The following RNF216 variants were observed in gnomAD, a reference collection of about 807,000 sequenced individuals.
RNF216 encodes the protein E3 ubiquitin-protein ligase RNF216.
A neutral mutation model predicts 110.8 loss-of-function variants in RNF216; 72 were observed. The ratio of observed to expected loss-of-function variants is 0.65; its 90% CI spans 0.54 to 0.79. The LOEUF is 0.79. Among genes scored for constraint, RNF216 ranks in the 30% least tolerant of loss-of-function variants. The pLI is 0.00. For synonymous variants in RNF216, 495 were observed against 407.5 expected (o/e 1.21, Z -2.59); for missense variants, 1,342 against 1,141.2 (o/e 1.18, Z -2.54).
intron 15 of RNF216, among the ~76,000 whole-genome samples, chr7:5,626,517 G>T (rs1470141631): frequency 6.6e-6 from 1 of 151,922 alleles, no homozygotes; most frequent in Non-Finnish European, 1.5e-5. Flanking sequence ...AGGAGTTTGA[G>T]ACCAGCCTGG....
chr7:5,707,644 T>C (rs1024888451), intron 13 of RNF216, among the ~76,000 whole-genome samples: 20 of 151,606 alleles, frequency 1.3e-4, no homozygotes, highest in Admixed American at 1.3e-4. Flanking sequence ...TTATATAGCA[T>C]GGAAGTGGTG....
At chr7:5,705,767 C>T (rs1003504483) in intron 13 of RNF216, among the ~76,000 whole-genome samples, 9 of 151,972 alleles carry the variant, frequency 5.9e-5, no homozygotes, top group African/African-American at 1.7e-4. Context: ...ATTAGCCGGG[C>T]GTGGTGGCAC....
intron 13 of RNF216, chr7:5,666,832 T>TTTTTA (rs33989516): frequency 6.6e-6 from 1 of 151,714 alleles, no homozygotes; most frequent in African/African-American, 2.4e-5. Flanking sequence ...TTTTTTTTTT[T>TTTTTA]GAGACAGGGT....
At chr7:5,758,729 C>T (rs1224698829) in intron 2 of RNF216, among the ~76,000 whole-genome samples, 2 of 152,106 alleles carry the variant, frequency 1.3e-5, no homozygotes, top group African/African-American at 4.8e-5. Context: ...AATGCATGTA[C>T]CCCCATAGTA....
intron 2 of RNF216, among the ~76,000 whole-genome samples, chr7:5,757,352 T>C (rs1484389109): frequency 6.6e-6 from 1 of 152,218 alleles, no homozygotes; most frequent in Non-Finnish European, 1.5e-5. Context: ...ACTCTATCAA[T>C]GCTTCTGGCT....
chr7:5,623,536 C>A (rs1436765763), intron 16 of RNF216, among the ~76,000 whole-genome samples: 1 of 151,610 alleles, frequency 6.6e-6, no homozygotes, highest in Non-Finnish European at 1.5e-5. Context: ...CTGGGCTCAA[C>A]TGATCCACCT....
At chr7:5,710,595 T>C (rs1584491096) in intron 13 of RNF216, among the ~76,000 whole-genome samples, 1 of 152,170 alleles carries the variant, frequency 6.6e-6, no homozygotes, top group South Asian at 2.1e-4. Flanking sequence ...TTCCTTATAT[T>C]TTATCTCTCC....
chr7:5,780,476 C>A (rs1797019636), intron 1 of RNF216, among the ~76,000 whole-genome samples: 1 of 152,138 alleles, frequency 6.6e-6, no homozygotes, highest in Admixed American at 6.5e-5. Flanking sequence ...GCGGAGGGAT[C>A]ACCTGAGGTC....
chr7:5,631,549 C>A (rs116352976), intron 15 of RNF216, among the ~76,000 whole-genome samples: 6 of 152,288 alleles, frequency 3.9e-5, no homozygotes, highest in South Asian at 2.1e-4. Flanking sequence ...GATTTCCTTG[C>A]CTGACATGTT....
chr7:5,712,042 T>G, intron 12 of RNF216: 1 of 568,392 alleles, frequency 1.8e-6, no homozygotes. Context: ...CCACATGAGG[T>G]CCTGACTGAA....
At chr7:5,655,320 T>C (rs1562794359) in intron 13 of RNF216, among the ~76,000 whole-genome samples, 1 of 152,096 alleles carries the variant, frequency 6.6e-6, no homozygotes, top group African/African-American at 2.4e-5. Context: ...CCGGAGAACA[T>C]ATCTGAAACG....
chr7:5,699,722 T>C (rs1432066020), intron 13 of RNF216, among the ~76,000 whole-genome samples: 1 of 152,338 alleles, frequency 6.6e-6, no homozygotes, highest in Middle Eastern at 3.4e-3. Flanking sequence ...ACACTGGACA[T>C]GAAGGGCAGC....
At chr7:5,712,967 G>T (rs1190929688) in intron 11 of RNF216, 104 bp from the exon 12 acceptor site, 4 of 1,024,180 alleles carry the variant, frequency 3.9e-6, no homozygotes, top group Non-Finnish European at 5.6e-6. Context: ...ACATAGCAAG[G>T]ATCTCTCTGC....
chr7:5,740,104 CTTTTT>C (rs71004698), intron 4 of RNF216, among the ~76,000 whole-genome samples: 4 of 118,496 alleles, frequency 3.4e-5, no homozygotes, highest in African/African-American at 1.4e-4. Context: ...GATGTAACAC[CTTTTT>C]TTTTTTTTTT....
chr7:5,723,826 G>A (rs1016251322), intron 8 of RNF216, among the ~76,000 whole-genome samples: 4 of 152,044 alleles, frequency 2.6e-5, no homozygotes, highest in Non-Finnish European at 1.5e-5. Flanking sequence ...AGAAAAATGG[G>A]ATCCCTGGAA....
intron 13 of RNF216, among the ~76,000 whole-genome samples, chr7:5,652,855 A>G (rs852523): frequency 0.014 from 2,104 of 152,258 alleles, 36 homozygotes; most frequent in South Asian, 0.05. Context: ...AGGACGCACA[A>G]GGAAAAATTT....
intron 5 of RNF216, among the ~76,000 whole-genome samples, chr7:5,737,170 T>C (rs992726448): frequency 1.3e-5 from 2 of 152,254 alleles, no homozygotes; most frequent in African/African-American, 4.8e-5. Flanking sequence ...CATTTTGTTC[T>C]GTACTAAGAA....
intron 3 of RNF216, 149 bp downstream of exon 3, chr7:5,752,697 T>C (rs1345128614): frequency 7.2e-6 from 5 of 694,454 alleles, no homozygotes; most frequent in Non-Finnish European, 1.2e-5. Context: ...AGCTTCTAAA[T>C]CTAAGAGTAC....
chr7:5,760,249 G>A (rs942786284), intron 2 of RNF216: 2 of 157,274 alleles, frequency 1.3e-5, no homozygotes, highest in South Asian at 1.8e-4. Flanking sequence ...GGGTGCAGTG[G>A]CTCACGCCTG....
Sources: allele counts gnomAD v4.1 joint callset (sites outside exome capture counted in the v4.1 genomes callset), GRCh38; gene constraint gnomAD v4.1.1; transcripts MANE v1.5; gene names NCBI Gene and HGNC (gene_info 2026-07-23, HGNC 2026-07-21).